The following BTBD7 variants were observed in gnomAD, a reference collection of about 807,000 sequenced individuals.
BTBD7 encodes the protein BTB domain containing 7, also known as BTB/POZ domain-containing protein 7.
In BTBD7, 38 loss-of-function variants were observed where a neutral mutation model predicts 99.9. That is an observed-to-expected ratio of 0.38 (90% CI 0.29 to 0.50). BTBD7 has a LOEUF of 0.50. Among genes scored for constraint, BTBD7 ranks in the 20% least tolerant of loss-of-function variants. The pLI is 0.93. For synonymous variants in BTBD7, 520 were observed against 511.4 expected, an observed-to-expected ratio of 1.02 and a Z score of -0.23; for missense variants, 1,170 against 1,394.6, an observed-to-expected ratio of 0.84 and a Z score of 2.57.
At chr14:93,290,668 C>T (rs1156587668) in intron 3 of BTBD7, among the ~76,000 whole-genome samples, 2 of 151,592 alleles carry the variant, frequency 1.3e-5, no homozygotes, top group Non-Finnish European at 2.9e-5. Flanking sequence ...CAGGTGTGTG[C>T]CACCACACCC....
At chr14:93,311,609 T>C (rs545626721) in intron 1 of BTBD7, among the ~76,000 whole-genome samples, 3 of 152,284 alleles carry the variant, frequency 2.0e-5, no homozygotes, top group Admixed American at 1.3e-4. Context: ...TCTTATATCA[T>C]TTCTCCTTTC....
rs548952511 is a variant in BTBD7, at chr14:93,261,177, A to G, written c.1447+425T>C. ...CTGAGGTTAAAATTCACATAACACA[A>G]AATTTATTTAAAACATTTTAAAGCG... On this transcript the variant is annotated intron_variant, in intron 5 of 10. Transcript: ENST00000334746. Among the ~76,000 whole-genome samples the G allele has an allele frequency of 2.6e-5, 4 of 152,308 alleles. No individual in the cohort carries two copies. The South Asian group carries it at 8.3e-4, about 32-fold the overall frequency.
chr14:93,262,402 A>G (rs1403970481), intron 4 of BTBD7, among the ~76,000 whole-genome samples: 2 of 151,820 alleles, frequency 1.3e-5, no homozygotes, highest in East Asian at 1.9e-4. Flanking sequence ...CAAAATGGCT[A>G]ATTTTTTTTT....
At chr14:93,303,837 ACC>A (rs915631646) in intron 1 of BTBD7, among the ~76,000 whole-genome samples, 7 of 151,712 alleles carry the variant, frequency 4.6e-5, no homozygotes, top group Admixed American at 2.0e-4. Context: ...CGGCCTCCCC[ACC>A]CCCCACCAGA....
rs1157007104 is a variant in BTBD7 at position 93,293,994 on chromosome 14, C to A, written c.1026G>T (p.Leu342Phe). 1 of 1,613,744 alleles carries A rather than the reference C, an allele frequency of 6.2e-7. No individual in the cohort carries two copies. The highest frequency in any genetic ancestry group is 8.5e-7 in the Non-Finnish European group (1 of 1,179,884). ...MYTDVVDLSV[L>F]HCSPSVGSLS... ...GACTCCCCACAGAGGGGCTACAGTG[C>A]AAAACAGAGAGGTCCACCACGTCGG... The change falls in exon 3 of 11, where the codon TTG (leucine) becomes TTT (phenylalanine). Residue 342 changes from leucine to phenylalanine, a missense_variant. Leu to Phe is a conservative substitution (Grantham distance 22). This residue lies in a region of BTBD7 where 359 missense variants were observed against 497.9 expected (regional missense o/e 0.72). Coordinates refer to ENST00000334746, the MANE Select transcript of BTBD7 (RefSeq NM_001002860.4).
chr14:93,325,200 G>A (rs1212760815), intron 1 of BTBD7, among the ~76,000 whole-genome samples: 2 of 134,028 alleles, frequency 1.5e-5, no homozygotes, highest in Admixed American at 1.7e-4. Context: ...TGCAACCTCC[G>A]CCTCTTGGGG....
intron 1 of BTBD7, among the ~76,000 whole-genome samples, chr14:93,313,964 T>C (rs1448909941): frequency 6.6e-6 from 1 of 152,046 alleles, no homozygotes; most frequent in African/African-American, 2.4e-5. Context: ...CAGGCTGGTC[T>C]TGAACTCCTA....
intron 1 of BTBD7, among the ~76,000 whole-genome samples, chr14:93,304,277 G>T (rs527562117): frequency 6.6e-6 from 1 of 152,344 alleles, no homozygotes; most frequent in African/African-American, 2.4e-5. Context: ...TTGTTGGCTT[G>T]AGAGTGTACA....
chr14:93,274,340 C>T (rs1017647110), intron 3 of BTBD7, among the ~76,000 whole-genome samples: 3 of 152,226 alleles, frequency 2.0e-5, no homozygotes, highest in African/African-American at 7.2e-5. Flanking sequence ...AGCACCCTGC[C>T]TCAGCAGTAC....
chr14:93,294,447 A>C lies in BTBD7; in HGVS notation c.573T>G (p.Asp191Glu), dbSNP rs768938847. The C allele has an allele frequency of 5.5e-5, 89 of 1,614,080 alleles. No homozygotes were observed. The highest frequency in any genetic ancestry group is 7.3e-5 in the Non-Finnish European group (86 of 1,180,048). ...GTAACAAAGCAGAAAACATGGGCAT[A>C]TCAATACCAGCTGTATTGATGTCCA... The part of the protein sequence containing the change: ...IIMDINTAGI[D>E]MPMFSALLHY... The change falls in exon 3 of 11, where the codon GAT (aspartate) becomes GAG (glutamate). Residue 191 changes from aspartate (D) to glutamate (E), a missense_variant. By Grantham distance (45) the Asp-to-Glu change is conservative. This residue lies in a region of BTBD7 where 359 missense variants were observed against 497.9 expected (regional missense o/e 0.72). Coordinates refer to ENST00000334746, the MANE Select transcript of BTBD7 (RefSeq NM_001002860.4).
intron 1 of BTBD7, among the ~76,000 whole-genome samples, chr14:93,299,897 C>T (rs1487604910): frequency 6.6e-6 from 1 of 152,168 alleles, no homozygotes; most frequent in Non-Finnish European, 1.5e-5. Context: ...CTTTAAAGTG[C>T]TGAGGTTCAT....
chr14:93,275,053 C>T (rs1460970647), intron 3 of BTBD7, among the ~76,000 whole-genome samples: 3 of 152,118 alleles, frequency 2.0e-5, no homozygotes, highest in Non-Finnish European at 2.9e-5. Flanking sequence ...GTAAGTACTA[C>T]CAAAGGGGTG....
chr14:93,297,704 T>C (rs2052946149), intron 1 of BTBD7, among the ~76,000 whole-genome samples: 1 of 152,204 alleles, frequency 6.6e-6, no homozygotes, highest in African/African-American at 2.4e-5. Context: ...GCTTTTATAG[T>C]GGTTCTTTCA....
At chr14:93,311,846 TG>T (rs1282973572) in intron 1 of BTBD7, among the ~76,000 whole-genome samples, 1 of 152,046 alleles carries the variant, frequency 6.6e-6, no homozygotes, top group Non-Finnish European at 1.5e-5. Flanking sequence ...TGGTTTACTC[TG>T]TGTGATTATA....
intron 7 of BTBD7, among the ~76,000 whole-genome samples, chr14:93,251,879 A>C (rs2052371354): frequency 6.6e-6 from 1 of 152,232 alleles, no homozygotes; most frequent in African/African-American, 2.4e-5. Context: ...GTCTGCTTTT[A>C]ATTAGAAGTA....
Position 93,242,893 on chromosome 14 carries a change from G to GT in BTBD7, c.2778dup (p.His927ThrfsTer21). 6 of 1,614,118 alleles carry GT rather than the reference G, an allele frequency of 3.7e-6. No homozygotes were observed. Among genetic ancestry groups the GT allele is most frequent in the Non-Finnish European group, 5.1e-6 (6 of 1,180,024 alleles). The stretch of plus-strand genomic sequence containing the variant: ...GTGTCTGTTTTTTGCTCTAGTGTGT[G>GT]TTTTTTCCGAGAAGTGTGTGTATGT... On this transcript the variant is annotated frameshift_variant, in exon 11 of 11. Transcript: ENST00000334746. LOFTEE classifies it high-confidence loss of function.
At chr14:93,332,043 T>C (rs1057194952) in intron 1 of BTBD7, among the ~76,000 whole-genome samples, 1 of 152,180 alleles carries the variant, frequency 6.6e-6, no homozygotes, top group Non-Finnish European at 1.5e-5. Flanking sequence ...TTATTATCTG[T>C]GCTGGTATGT....
In BTBD7 at chr14:93,263,918, T is replaced by C; in HGVS notation, c.1238A>G (p.Tyr413Cys). The change falls in exon 4 of 11, where the codon TAT becomes TGT. Residue 413 changes from tyrosine (Y) to cysteine (C), a missense_variant. Tyr to Cys is a radical substitution (Grantham distance 194, BLOSUM62 -2). Around this residue, in one of 4 missense-constraint regions of BTBD7, gnomAD observed 309 missense variants for 342.0 expected, o/e 0.90. Transcript: ENST00000334746. ...IAILKWSSHP[Y>C]GSKWVHRQAL... is the part of the protein sequence containing the mutation. Reference sequence around the variant, plus strand: ...TTGTCGGTGCACCCATTTAGAGCCATATGGATGAGAACTCCACTTGAGGAT... The same window carrying C: ...TTGTCGGTGCACCCATTTAGAGCCACATGGATGAGAACTCCACTTGAGGAT... 1.2e-6 allele frequency: 2 copies of C among 1,614,160 alleles called. No homozygotes were observed. Among genetic ancestry groups the C allele is most frequent in the Non-Finnish European group, 1.7e-6 (2 of 1,180,000 alleles).
At chr14:93,317,701 T>C in intron 1 of BTBD7, among the ~76,000 whole-genome samples, 1 of 152,214 alleles carries the variant, frequency 6.6e-6, no homozygotes, top group East Asian at 1.9e-4. Flanking sequence ...CCTTGGCAGG[T>C]CTCTGGGAAA....
Sources: allele counts gnomAD v4.1 joint callset (sites outside exome capture counted in the v4.1 genomes callset), GRCh38; gene constraint gnomAD v4.1.1; regional missense constraint gnomAD v4.1.1; transcripts MANE v1.5; gene names NCBI Gene and HGNC (gene_info 2026-07-23, HGNC 2026-07-21).